Variants in DNAJB1 observed in about 807,000 individuals in gnomAD.
The protein encoded by DNAJB1 is dnaJ homolog subfamily B member 1.
DNAJB1 carries 14 observed loss-of-function variants against 24.0 expected under a neutral mutation model. The ratio of observed to expected loss-of-function variants is 0.58; its 90% CI spans 0.39 to 0.91. The LOEUF (loss-of-function observed/expected upper bound fraction) is 0.91. Ranked by LOEUF, DNAJB1 falls within the 40% of genes least tolerant of loss-of-function variation. The pLI, the probability that DNAJB1 is intolerant of heterozygous loss-of-function variation, is 0.00. For synonymous variants in DNAJB1, 262 were observed against 174.4 expected, an observed-to-expected ratio of 1.50 and a Z score of -3.96; for missense variants, 517 against 458.1, an observed-to-expected ratio of 1.13 and a Z score of -1.17.
chr19:14,525,606 A>C (rs2072411535), intron 2 of DNAJB1, among the ~76,000 whole-genome samples: 1 of 152,212 alleles, frequency 6.6e-6, no homozygotes, highest in Non-Finnish European at 1.5e-5. Context: ...CTTCTGGAAA[A>C]GGCAAAAGTA....
chr19:14,543,417 ATATTTTTTTTTTTTTTTTTTTTT>A (rs2073188967), intron 1 of DNAJB1, among the ~76,000 whole-genome samples: 1 of 9,990 alleles, frequency 1.0e-4, no homozygotes, highest in Non-Finnish European at 2.0e-4. Context: ...ATATATATAT[ATATTTTTTTTTTTTTTTTTTTTT>A]TTTTTTTTTT....
At chr19:14,547,944 G>A (rs1233294525) in intron 1 of DNAJB1, among the ~76,000 whole-genome samples, 1 of 150,430 alleles carries the variant, frequency 6.6e-6, no homozygotes, top group African/African-American at 2.5e-5. Flanking sequence ...CCAACCATGT[G>A]TGTGTTTAAT....
rs533380690 is a variant in DNAJB1 at position 14,537,744 on chromosome 19, G to GTTTTT, written c.-213-9939_-213-9935dup. 7.1e-5 allele frequency among the ~76,000 whole-genome samples: 9 copies of GTTTTT among 126,272 alleles called. 1 individual carries two copies. The highest frequency in any genetic ancestry group is 8.3e-5 in the Admixed American group (1 of 12,084). The allele number at this position is 126,272 out of a possible 152,430, so 82.8% of individuals were successfully genotyped here. Reference sequence around the variant, plus strand: ...GTGAATATAGTGCTTAATTATCAGTGTTTTTTTTTTTTTTTTTTTGAGACG... The same window carrying GTTTTT: ...GTGAATATAGTGCTTAATTATCAGTGTTTTTTTTTTTTTTTTTTTTTTTTGAGACG... On this transcript the variant is annotated intron_variant, in intron 1 of 3. Transcript: ENST00000676982.
upstream of DNAJB1, among the ~76,000 whole-genome samples, chr19:14,522,673 CACACACACAG>C (rs1248426164): frequency 4.3e-5 from 4 of 92,076 alleles, no homozygotes; most frequent in East Asian, 9.4e-4. Context: ...CAAACACAGA[CACACACACAG>C]ACACACACAC....
intron 1 of DNAJB1, among the ~76,000 whole-genome samples, chr19:14,543,292 T>C (rs1282287099): frequency 3.1e-5 from 2 of 63,658 alleles, no homozygotes; most frequent in Non-Finnish European, 6.4e-5. Flanking sequence ...TTGCAGAGGG[T>C]GGGGTGGGGG....
upstream of DNAJB1, among the ~76,000 whole-genome samples, chr19:14,518,678 T>G (rs34791797): frequency 0.044 from 6,723 of 152,270 alleles, 194 homozygotes; most frequent in Non-Finnish European, 0.058. Context: ...AATCGCGACC[T>G]TCTTTCCCTC....
At chr19:14,520,220 C>G (rs374830949), upstream of DNAJB1, among the ~76,000 whole-genome samples, 44 of 152,278 alleles carry the variant, frequency 2.9e-4, 1 homozygote, top group Middle Eastern at 0.014. Context: ...GGTGACTAAC[C>G]ATTTTCTTAG....
intron 1 of DNAJB1, among the ~76,000 whole-genome samples, chr19:14,549,105 A>G (rs547520578): frequency 4.9e-4 from 75 of 152,180 alleles, no homozygotes; most frequent in Non-Finnish European, 9.4e-4. Context: ...TAGTCGGTTC[A>G]AAAGCCGGCA....
chr19:14,533,997 C>G (rs568084868), upstream of DNAJB1: 11 of 152,250 alleles, frequency 7.2e-5, no homozygotes, highest in African/African-American at 2.6e-4. Context: ...TGTAATTGAG[C>G]CTGTTAATTC....
chr19:14,527,717 G>A (rs759076773), intron 2 of DNAJB1: 7 of 152,154 alleles, frequency 4.6e-5, no homozygotes, highest in Non-Finnish European at 1.0e-4. Flanking sequence ...CTGTGAATCA[G>A]TGATCTACCT....
At chr19:14,516,236 C>A in intron 2 of DNAJB1, 66 bp from the exon 3 acceptor site, 1 of 1,572,416 alleles carries the variant, frequency 6.4e-7, no homozygotes. Context: ...TGCCCAGAGG[C>A]CGTCTGCCAT....
At chr19:14,518,605 A>G (rs1472882198), upstream of DNAJB1, among the ~76,000 whole-genome samples, 1 of 151,754 alleles carries the variant, frequency 6.6e-6, no homozygotes, top group Non-Finnish European at 1.5e-5. Context: ...GCCCTCGGCA[A>G]CACCTCCCCG....
At chr19:14,532,926 A>G (rs1433161762), upstream of DNAJB1, among the ~76,000 whole-genome samples, 8 of 151,996 alleles carry the variant, frequency 5.3e-5, no homozygotes, top group Non-Finnish European at 1.0e-4. Flanking sequence ...CCTGGTCAAC[A>G]TGGTGAAACC....
At chr19:14,522,836 GTTTCCTTA>G (rs1307010319), upstream of DNAJB1, among the ~76,000 whole-genome samples, 1 of 152,138 alleles carries the variant, frequency 6.6e-6, no homozygotes, top group Non-Finnish European at 1.5e-5. Flanking sequence ...TGGACCAACT[GTTTCCTTA>G]TTTCCTACGT....
At chr19:14,517,348 A>T (rs2072287380) in intron 1 of DNAJB1, 4 of 341,048 alleles carry the variant, frequency 1.2e-5, no homozygotes, top group Admixed American at 8.7e-5. Context: ...CATCACCAAG[A>T]GATGGCTAAA....
chr19:14,553,344 G>T (rs2073605300), upstream of DNAJB1, among the ~76,000 whole-genome samples: 1 of 152,168 alleles, frequency 6.6e-6, no homozygotes, highest in Admixed American at 6.5e-5. Flanking sequence ...ACAGGTAGAA[G>T]ACAGGAGCAG....
At chr19:14,546,121 G>A (rs1173352389) in intron 1 of DNAJB1, among the ~76,000 whole-genome samples, 1 of 152,196 alleles carries the variant, frequency 6.6e-6, no homozygotes, top group Non-Finnish European at 1.5e-5. Flanking sequence ...AAGTCCTTCT[G>A]CACCTGGGGT....
At chr19:14,552,050 C>T (rs974676303), upstream of DNAJB1, among the ~76,000 whole-genome samples, 9 of 150,052 alleles carry the variant, frequency 6.0e-5, no homozygotes, top group African/African-American at 2.2e-4. Context: ...GCAGTCATAA[C>T]TCAGCCTTGA....
At chr19:14,551,556 T>C (rs552761710), upstream of DNAJB1, among the ~76,000 whole-genome samples, 2 of 152,258 alleles carry the variant, frequency 1.3e-5, no homozygotes, top group South Asian at 2.1e-4. Context: ...TCAGTCAGCA[T>C]TGAGGACGCG....
Sources: gnomAD v4.1 joint callset for allele counts (sites outside exome capture counted in the v4.1 genomes callset) on GRCh38, gnomAD v4.1.1 for gene constraint, MANE v1.5 for transcripts, NCBI Gene and HGNC (gene_info 2026-07-23, HGNC 2026-07-21) for gene names.